FAAH: variants seen among roughly 807,000 people sequenced by gnomAD.
The protein encoded by FAAH is fatty-acid amide hydrolase 1.
Under a neutral mutation model 69.7 loss-of-function variants are expected in FAAH, and 63 were observed. That is an observed-to-expected ratio of 0.90 (90% CI 0.74 to 1.12). FAAH has a LOEUF of 1.12. Among genes scored for constraint, FAAH ranks in the 50% most tolerant of loss-of-function variants. FAAH has a pLI of 0.00. For synonymous variants in FAAH, 305 were observed against 324.2 expected (o/e 0.94, Z 0.64); for missense variants, 680 against 755.0 (o/e 0.90, Z 1.16).
chr1:46,395,663 G>A (rs1664582900), intron 1 of FAAH, among the ~76,000 whole-genome samples: 1 of 152,232 alleles, frequency 6.6e-6, no homozygotes, highest in African/African-American at 2.4e-5. Flanking sequence ...ACTCAGGAGG[G>A]TGTGCCTGGG....
chr1:46,405,757 G>A lies in FAAH; in HGVS notation c.748G>A (p.Gly250Ser). Residue 250 changes from glycine to serine, a missense_variant, in exon 5 of 15, where the codon GGC becomes AGC. Transcript: ENST00000243167. The surrounding 1 kb of genome is among the most constrained non-coding windows in gnomAD (Gnocchi z 4.1). ...CATCCGCTTCCCCTCCTCCTTCTGC[G>A]GCATCTGCGGCCTCAAGCCCACAGG... ...GSIRFPSSFC[G>S]ICGLKPTGNR... The A allele has an allele frequency of 1.2e-6, 2 of 1,613,476 alleles. No individual in the cohort carries two copies. The highest frequency in any genetic ancestry group is 1.7e-6 in the Non-Finnish European group (2 of 1,180,018).
At chr1:46,402,328 T>G in intron 2 of FAAH, 124 bp downstream of exon 2, 1 of 839,318 alleles carries the variant, frequency 1.2e-6, no homozygotes, top group South Asian at 1.5e-5. Context: ...TTAGTCCTGC[T>G]GGGGGCCATG....
rs1343915580 is a variant in FAAH at position 46,410,354 on chromosome 1, G to C, written c.1176-44G>C. On this transcript the variant is annotated intron_variant, in intron 9 of 14. Transcript: ENST00000243167. This position sits in a 1 kb window ranked among gnomAD's most constrained non-coding sequence, Gnocchi z 4.9. ...TGGGCCGGGCGAGCAAGCTGGGAAGGATGTGGGGATGGGAGTGCCTGGACC... is the reference window on the plus strand; with the variant it reads ...TGGGCCGGGCGAGCAAGCTGGGAAGCATGTGGGGATGGGAGTGCCTGGACC... The C allele has an allele frequency of 2.6e-6, 4 of 1,512,772 alleles. No individual in the cohort carries two copies. The highest frequency in any genetic ancestry group is 3.3e-5 in the Admixed American group (2 of 59,894). The allele number at this position is 1,512,772 out of a possible 1,614,324, so 93.7% of individuals were successfully genotyped here.
At chr1:46,409,408 G>A (rs1664860321) in intron 9 of FAAH, 1 of 567,752 alleles carries the variant, frequency 1.8e-6, no homozygotes, top group African/African-American at 1.9e-5. Flanking sequence ...AGGCTGGGTT[G>A]AGTATCTGTG....
rs1664772265 is a variant in FAAH at position 46,405,362 on chromosome 1, C to T, written c.445-10C>T. On this transcript the variant is annotated splice_polypyrimidine_tract_variant and intron_variant, in intron 3 of 14. Coordinates refer to ENST00000243167, the MANE Select transcript of FAAH (RefSeq NM_001441.3). This position sits in a 1 kb window ranked among gnomAD's most constrained non-coding sequence, Gnocchi z 4.1. Reference sequence around the variant, plus strand: ...ACTCACTCCCTTCTGGTGCCCATCCCTCCTCCCAGGGCCAGGACTCCACGC... The same window carrying T: ...ACTCACTCCCTTCTGGTGCCCATCCTTCCTCCCAGGGCCAGGACTCCACGC... The T allele has an allele frequency of 1.2e-6, 2 of 1,609,184 alleles. No homozygotes were observed. Among genetic ancestry groups the T allele is most frequent in the African/African-American group, 1.3e-5 (1 of 75,054 alleles).
At chr1:46,396,597 C>T (rs910374078) in intron 1 of FAAH, among the ~76,000 whole-genome samples, 2 of 143,438 alleles carry the variant, frequency 1.4e-5, no homozygotes, top group Non-Finnish European at 3.2e-5. Context: ...GGGAGAATGG[C>T]GATGACTTTT....
Position 46,405,582 on chromosome 1 carries a change from C to T in FAAH, c.579-6C>T. On this transcript the variant is annotated splice_region_variant and splice_polypyrimidine_tract_variant and intron_variant, in intron 4 of 14. Transcript: ENST00000243167. The surrounding 1 kb of genome is among the most constrained non-coding windows in gnomAD (Gnocchi z 4.1). ...GCACGGGCTGACCCATTCTTGGCTC[C>T]TCCAGCTATGACTGCAGTAACCCCC... is the stretch of plus-strand genomic sequence containing the variant. 1 of 1,613,408 alleles carries T rather than the reference C, an allele frequency of 6.2e-7. No individual in the cohort carries two copies.
chr1:46,412,409 C>G (rs1414947302), intron 13 of FAAH, among the ~76,000 whole-genome samples, 158 bp downstream of exon 13: 2 of 152,224 alleles, frequency 1.3e-5, no homozygotes, highest in African/African-American at 4.8e-5. Context: ...GTTGCCCTGG[C>G]AGGGATTGAT....
intron 1 of FAAH, among the ~76,000 whole-genome samples, chr1:46,399,368 T>C (rs4141964): frequency 0.53 from 81,119 of 152,126 alleles, 22,801 homozygotes; most frequent in Middle Eastern, 0.64. Context: ...TGATTGGTCT[T>C]CTGGAGGTGC....
chr1:46,397,897 C>T (rs372694050), intron 1 of FAAH, among the ~76,000 whole-genome samples: 1 of 149,474 alleles, frequency 6.7e-6, no homozygotes, highest in Non-Finnish European at 1.5e-5. Context: ...TTAGTATAAA[C>T]GGTTTCGTCA....
chr1:46,409,306 A>G, intron 9 of FAAH, 108 bp downstream of exon 9: 1 of 863,354 alleles, frequency 1.2e-6, no homozygotes, highest in Non-Finnish European at 2.0e-6. Context: ...GAATCCAACA[A>G]AGGCCTGAGC....
Position 46,406,247 on chromosome 1 carries a change from G to A in FAAH, c.830G>A (p.Arg277His), listed in dbSNP as rs201297603. The change falls in exon 7 of 15, where the codon CGT becomes CAT. Residue 277 changes from arginine to histidine, a missense_variant. Arg to His is a conservative substitution (Grantham distance 29, BLOSUM62 0). Transcript: ENST00000243167. ...KGCVYGQEAV[R>H]LSVGPMARDV... Reference sequence around the variant, plus strand: ...CCCTCACCTCTCTGCCCCACAGTGCGTCTCTCCGTGGGCCCCATGGCCCGG... The same window carrying A: ...CCCTCACCTCTCTGCCCCACAGTGCATCTCTCCGTGGGCCCCATGGCCCGG... The A allele has an allele frequency of 2.9e-5, 46 of 1,613,936 alleles. No individual in the cohort carries two copies. The highest frequency in any genetic ancestry group is 3.6e-5 in the Non-Finnish European group (43 of 1,180,052).
rs1210988793 is a variant in FAAH at position 46,404,128 on chromosome 1, GTACA to G, written c.310-883_310-880del. ...GGCTGGTGTCACTGAGAGGGGGCAC[GTACA>G]TAGTCTCAGCAGATGGTCTTGCTTC... On this transcript the variant is annotated intron_variant, in intron 2 of 14. Transcript: ENST00000243167. This position sits in a 1 kb window ranked among gnomAD's most constrained non-coding sequence, Gnocchi z 4.5. 2.0e-5 allele frequency among the ~76,000 whole-genome samples: 3 copies of G among 152,190 alleles called. No homozygotes were observed. The highest frequency in any genetic ancestry group is 2.9e-5 in the Non-Finnish European group (2 of 68,030).
intron 1 of FAAH, among the ~76,000 whole-genome samples, chr1:46,401,884 G>GAA: frequency 6.7e-6 from 1 of 149,090 alleles, no homozygotes; most frequent in African/African-American, 2.5e-5. Flanking sequence ...TGTCTCTAAG[G>GAA]AAAAAAAAAA....
At chr1:46,395,280 G>A (rs970728058) in intron 1 of FAAH, among the ~76,000 whole-genome samples, 1 of 152,238 alleles carries the variant, frequency 6.6e-6, no homozygotes, top group Non-Finnish European at 1.5e-5. Flanking sequence ...GAGGGAGCCA[G>A]AAAGAAACCT....
chr1:46,411,750 G>C lies in FAAH; in HGVS notation c.1356+99G>C, dbSNP rs1040027233. On this transcript the variant is annotated intron_variant, in intron 12 of 14. Coordinates refer to ENST00000243167, the MANE Select transcript of FAAH (RefSeq NM_001441.3). This position sits in a 1 kb window ranked among gnomAD's most constrained non-coding sequence, Gnocchi z 4.8. Reference sequence around the variant, plus strand: ...TGTCTCGTGGCCACTGCCCCCATGGGGCTCCTAGACTGGCCTGTCATCCCC... The same window carrying C: ...TGTCTCGTGGCCACTGCCCCCATGGCGCTCCTAGACTGGCCTGTCATCCCC... 11 of 1,379,100 alleles carry C rather than the reference G, an allele frequency of 8.0e-6. 1 individual carries two copies. 85.4% of individuals were successfully genotyped at this position (1,379,100 alleles called of 1,614,324 possible).
chr1:46,405,344 C>A lies in FAAH; in HGVS notation c.445-28C>A, dbSNP rs1204638875. 1.9e-6 allele frequency: 3 copies of A among 1,607,322 alleles called. No individual in the cohort carries two copies. In the African/African-American group the frequency reaches 4.0e-5, roughly 21 times the overall value. ...GGCTGCCCACGGGCCCTGACTCACT[C>A]CCTTCTGGTGCCCATCCCTCCTCCC... On this transcript the variant is annotated intron_variant, in intron 3 of 14. Coordinates refer to ENST00000243167, the MANE Select transcript of FAAH (RefSeq NM_001441.3). The surrounding 1 kb of genome is among the most constrained non-coding windows in gnomAD (Gnocchi z 4.1).
At position 46,394,360 on chromosome 1, in the gene FAAH, C is replaced by T. The variant is rs1442900810; in HGVS notation, c.12C>T (p.Tyr4=). MVQ[Y]ELWAALPGAS... Reference sequence around the variant, plus strand: ...AGGCTGAAGGGATCATGGTGCAGTACGAGCTGTGGGCCGCGCTGCCTGGCG... The same window carrying T: ...AGGCTGAAGGGATCATGGTGCAGTATGAGCTGTGGGCCGCGCTGCCTGGCG... Residue 4 remains tyrosine (Y), a synonymous_variant, in exon 1 of 15, where the codon TAC becomes TAT. Coordinates refer to ENST00000243167, the MANE Select transcript of FAAH (RefSeq NM_001441.3). The T allele has an allele frequency of 3.9e-6, 6 of 1,554,794 alleles. No homozygotes were observed. The East Asian group carries it at 1.3e-4, about 33-fold the overall frequency.
At chr1:46,409,777 C>T (rs1664872490) in intron 9 of FAAH, among the ~76,000 whole-genome samples, 1 of 152,150 alleles carries the variant, frequency 6.6e-6, no homozygotes, top group Admixed American at 6.5e-5. Context: ...GACTGGAACC[C>T]TTCAGAACAC....
Sources: allele counts gnomAD v4.1 joint callset (sites outside exome capture counted in the v4.1 genomes callset), GRCh38; gene constraint gnomAD v4.1.1; non-coding constraint Gnocchi (gnomAD v3.1); transcripts MANE v1.5; gene names NCBI Gene and HGNC (gene_info 2026-07-23, HGNC 2026-07-21).